The following GSE1 variants were observed in gnomAD, a reference collection of about 807,000 sequenced individuals.
GSE1 encodes the protein Gse1 coiled-coil protein.
A neutral mutation model predicts 112.6 loss-of-function variants in GSE1; 32 were observed. The ratio of observed to expected loss-of-function variants is 0.28; its 90% CI spans 0.21 to 0.38. GSE1 has a LOEUF of 0.38. Among genes scored for constraint, GSE1 ranks in the 10% least tolerant of loss-of-function variants. GSE1 has a pLI of 1.00. For missense variants in GSE1, 2,348 were observed against 1,699.2 expected (o/e 1.38, Z -6.71); for synonymous variants, 1,115 against 735.6 (o/e 1.52, Z -8.35).
chr16:85,582,196 G>C (rs2046475023), intron 1 of GSE1: 1 of 152,236 alleles, frequency 6.6e-6, no homozygotes, highest in African/African-American at 2.4e-5. Flanking sequence ...GATTCACTTA[G>C]CACCCGAACG....
chr16:85,275,200 C>T (rs1049640983), intron 1 of GSE1, among the ~76,000 whole-genome samples: 2 of 152,186 alleles, frequency 1.3e-5, no homozygotes, highest in African/African-American at 4.8e-5. Flanking sequence ...AGTCTTAACT[C>T]CCAAACCACA....
intron 1 of GSE1, among the ~76,000 whole-genome samples, chr16:85,298,192 C>A (rs944740971): frequency 7.9e-5 from 12 of 152,336 alleles, no homozygotes; most frequent in Non-Finnish European, 1.5e-4. Context: ...TTCTGATGAG[C>A]TCCCTGGTGA....
At position 85,670,935 on chromosome 16, in the gene GSE1, C is replaced by T; in HGVS notation, c.3416-60C>T. 4.7e-6 allele frequency: 5 copies of T among 1,055,924 alleles called. No homozygotes were observed. The South Asian group carries it at 5.1e-5, about 11-fold the overall frequency. The allele number at this position is 1,055,924 out of a possible 1,614,324, so 65.4% of individuals were successfully genotyped here. A position where few individuals can be genotyped will look rare whatever the true frequency, so the allele number is the denominator to read the frequency against. ...TGGGCAGGGTGTGAAGAGGAGAGCA[C>T]AAAGCGGGCCTTCGGGCTCCTGCAT... On this transcript the variant is annotated intron_variant, in intron 14 of 15. Transcript: ENST00000253458.
chr16:85,413,042 G>A (rs994284139), intron 2 of GSE1, among the ~76,000 whole-genome samples: 4 of 152,198 alleles, frequency 2.6e-5, no homozygotes, highest in Non-Finnish European at 5.9e-5. Context: ...GGAAGGTTCC[G>A]TGCTGCTGCT....
In GSE1 at chr16:85,339,269, G is replaced by A. The variant is rs376201889; in HGVS notation, c.2284-18194G>A. 1.1e-4 allele frequency among the ~76,000 whole-genome samples: 17 copies of A among 152,294 alleles called. No individual in the cohort carries two copies. The East Asian group carries it at 3.1e-3, about 28-fold the overall frequency. On this transcript the variant is annotated intron_variant, in intron 1 of 2. Transcript: ENST00000637419. ...CCACCTGGGCGTGGATGCCAAGCTGGCTGACCCGGGATTTCCAGCCGGCGA... is the reference window on the plus strand; with the variant it reads ...CCACCTGGGCGTGGATGCCAAGCTGACTGACCCGGGATTTCCAGCCGGCGA...
intron 1 of GSE1, 48 bp from the exon 2 acceptor site, chr16:85,633,866 G>T (rs1442169796): frequency 6.8e-7 from 1 of 1,477,026 alleles, no homozygotes; most frequent in Admixed American, 1.8e-5. Context: ...CTGGTGCTGG[G>T]CGCTCCTGCT....
chr16:85,556,704 G>T (rs1476489338), intron 1 of GSE1, among the ~76,000 whole-genome samples: 1 of 149,776 alleles, frequency 6.7e-6, no homozygotes, highest in Non-Finnish European at 1.5e-5. Context: ...AGTAAGCGCC[G>T]AGTGTGAAGT....
Position 85,676,009 on chromosome 16 carries a change from TGGGA to T in GSE1, c.*3477_*3480del, listed in dbSNP as rs1388281261. 6.6e-6 allele frequency: 1 copy of T among 152,598 alleles called. No homozygotes were observed. Among genetic ancestry groups the T allele is most frequent in the Non-Finnish European group, 1.5e-5 (1 of 68,038 alleles). The allele number at this position is 152,598 out of a possible 1,614,324, so 9.5% of individuals were successfully genotyped here. ...TATAACAGTAAACCCCATACGCAGG[TGGGA>T]GGGAGGAACACCGGTGCCTCGGTCA... On this transcript the variant is annotated 3_prime_UTR_variant, in exon 16 of 16. Coordinates refer to ENST00000253458, the MANE Select transcript of GSE1 (RefSeq NM_014615.5).
chr16:85,492,802 G>A (rs2051052313), intron 2 of GSE1, among the ~76,000 whole-genome samples: 2 of 152,146 alleles, frequency 1.3e-5, no homozygotes, highest in South Asian at 4.1e-4. Context: ...GAGTTTGCCT[G>A]GAGTGGTGCT....
chr16:85,194,494 AGG>A (rs2143483510), intron 1 of GSE1, among the ~76,000 whole-genome samples: 1 of 145,678 alleles, frequency 6.9e-6, no homozygotes, highest in African/African-American at 2.8e-5. Context: ...CCAGGGAGAC[AGG>A]GGCCATTCTG....
intron 2 of GSE1, among the ~76,000 whole-genome samples, chr16:85,394,694 T>C (rs1010433193): frequency 6.6e-6 from 1 of 151,948 alleles, no homozygotes; most frequent in African/African-American, 2.4e-5. Flanking sequence ...TCATATTAGC[T>C]CATTTGTCTT....
At chr16:85,242,306 C>T (rs1469949603) in intron 1 of GSE1, among the ~76,000 whole-genome samples, 1 of 152,198 alleles carries the variant, frequency 6.6e-6, no homozygotes, top group East Asian at 1.9e-4. Flanking sequence ...GCTCAGCAGC[C>T]CTCGGGGTCT....
intron 1 of GSE1, among the ~76,000 whole-genome samples, chr16:85,578,935 A>G (rs767759358): frequency 6.6e-6 from 1 of 151,156 alleles, no homozygotes; most frequent in Non-Finnish European, 1.5e-5. Flanking sequence ...CCCCCAGCAC[A>G]GCGATCTGGT....
chr16:85,246,882 C>A (rs974285304), intron 1 of GSE1, among the ~76,000 whole-genome samples: 1 of 152,158 alleles, frequency 6.6e-6, no homozygotes, highest in African/African-American at 2.4e-5. Context: ...GTTTGTCCCC[C>A]ACACCATAGC....
At chr16:85,470,073 C>G (rs1262804192) in intron 2 of GSE1, among the ~76,000 whole-genome samples, 1 of 152,258 alleles carries the variant, frequency 6.6e-6, no homozygotes, top group Non-Finnish European at 1.5e-5. Flanking sequence ...TGTGCTCACT[C>G]TGAGGGTGAG....
At chr16:85,569,807 G>C (rs80259298) in intron 1 of GSE1, among the ~76,000 whole-genome samples, 1 of 152,230 alleles carries the variant, frequency 6.6e-6, no homozygotes, top group Admixed American at 6.5e-5. Flanking sequence ...CATCAGGCCT[G>C]TGTGGGCTTT....
intron 1 of GSE1, among the ~76,000 whole-genome samples, chr16:85,339,966 A>C (rs1204514351): frequency 2.6e-5 from 4 of 152,222 alleles, no homozygotes; most frequent in Admixed American, 6.5e-5. Context: ...TAAATAATTT[A>C]AAATTCACTA....
intron 1 of GSE1, among the ~76,000 whole-genome samples, chr16:85,627,957 C>G (rs1201353985): frequency 6.6e-6 from 1 of 152,220 alleles, no homozygotes; most frequent in Non-Finnish European, 1.5e-5. Context: ...GCATCGGTCT[C>G]CCTGGGGAGG....
intron 4 of GSE1, 102 bp from the exon 5 acceptor site, chr16:85,654,692 C>T (rs762234417): frequency 2.1e-5 from 17 of 808,882 alleles, no homozygotes; most frequent in East Asian, 1.1e-4. Flanking sequence ...GTCTGGGTGC[C>T]GACTGAGCGC....
Sources: gnomAD v4.1 joint callset for allele counts (sites outside exome capture counted in the v4.1 genomes callset) on GRCh38, gnomAD v4.1.1 for gene constraint, MANE v1.5 for transcripts, NCBI Gene and HGNC (gene_info 2026-07-23, HGNC 2026-07-21) for gene names.